The following PDS5A variants were observed in gnomAD, a reference collection of about 807,000 sequenced individuals.
PDS5A encodes sister chromatid cohesion protein PDS5 homolog A.
Under a neutral mutation model 167.1 loss-of-function variants are expected in PDS5A, and 42 were observed. The ratio of observed to expected loss-of-function variants is 0.25; its 90% CI spans 0.20 to 0.33. The LOEUF is 0.33. PDS5A is among the 10% of genes least tolerant of loss of function. PDS5A has a pLI of 1.00. For synonymous variants in PDS5A, 553 were observed against 554.6 expected, an observed-to-expected ratio of 1.00 and a Z score of 0.04; for missense variants, 1,033 against 1,605.9, an observed-to-expected ratio of 0.64 and a Z score of 6.10.
chr4:39,888,584 A>C (rs1721688685), intron 17 of PDS5A, among the ~76,000 whole-genome samples: 1 of 152,140 alleles, frequency 6.6e-6, no homozygotes, highest in Non-Finnish European at 1.5e-5. Context: ...GTATATATGT[A>C]CAATGAAAAA....
chr4:39,950,192 C>A (rs1728215345), intron 2 of PDS5A, among the ~76,000 whole-genome samples: 1 of 152,132 alleles, frequency 6.6e-6, no homozygotes, highest in Non-Finnish European at 1.5e-5. Context: ...TGAGCCACCG[C>A]ACCCAGCCAA....
chr4:39,968,748 T>A (rs892316604), intron 2 of PDS5A, among the ~76,000 whole-genome samples: 7 of 151,462 alleles, frequency 4.6e-5, no homozygotes, highest in African/African-American at 1.5e-4. Context: ...ATGAATTTTT[T>A]AAAAAATCAC....
At chr4:39,953,084 T>C (rs183804649) in intron 2 of PDS5A, among the ~76,000 whole-genome samples, 1 of 152,278 alleles carries the variant, frequency 6.6e-6, no homozygotes, top group Non-Finnish European at 1.5e-5. Context: ...TCATACCTAA[T>C]AACCTACTCA....
intron 6 of PDS5A, among the ~76,000 whole-genome samples, chr4:39,921,583 T>TAAA (rs375091298): frequency 6.1e-4 from 53 of 86,840 alleles, no homozygotes; most frequent in African/African-American, 2.2e-3. Flanking sequence ...AAAGAAAACT[T>TAAA]AAAAAAAAAA....
intron 2 of PDS5A, among the ~76,000 whole-genome samples, chr4:39,970,060 C>G (rs1341107219): frequency 6.6e-6 from 1 of 151,208 alleles, no homozygotes; most frequent in Non-Finnish European, 1.5e-5. Flanking sequence ...CTATGTTGGT[C>G]AGACTGGTCT....
intron 2 of PDS5A, among the ~76,000 whole-genome samples, chr4:39,962,232 AT>A (rs1019984176): frequency 4.0e-5 from 6 of 151,846 alleles, no homozygotes; most frequent in Non-Finnish European, 8.8e-5. Context: ...TAATTTTTGT[AT>A]TTTTAGTAGA....
At position 39,890,253 on chromosome 4, in the gene PDS5A, T is replaced by C. The variant is rs1032384560; in HGVS notation, c.1882A>G (p.Ile628Val). The stretch of plus-strand genomic sequence containing the variant: ...CGAATATACTTCTTGGCTTACCTTA[T>C]GGCTTCTGAATCAATGTGCACAGGT... ...IAPVHIDSEA[I>V]SALVKLMNKS... Residue 628 changes from isoleucine (I) to valine (V), a missense_variant, in exon 17 of 33, where the codon ATA (isoleucine) becomes GTA (valine). Ile to Val is a conservative substitution (Grantham distance 29). Coordinates refer to ENST00000303538, the MANE Select transcript of PDS5A (RefSeq NM_001100399.2). 4 of 1,497,602 alleles carry C rather than the reference T, an allele frequency of 2.7e-6. No homozygotes were observed. Among genetic ancestry groups the C allele is most frequent in the South Asian group, 1.2e-5 (1 of 82,426 alleles). The allele number at this position is 1,497,602 out of a possible 1,614,324, so 92.8% of individuals were successfully genotyped here.
intron 7 of PDS5A, among the ~76,000 whole-genome samples, chr4:39,917,510 CAT>C (rs1724501091): frequency 6.6e-6 from 1 of 151,990 alleles, no homozygotes; most frequent in Admixed American, 6.6e-5. Flanking sequence ...CTGTGTAGTT[CAT>C]TACAAAGGAT....
At chr4:39,960,786 T>A (rs1399042478) in intron 2 of PDS5A, among the ~76,000 whole-genome samples, 1 of 151,446 alleles carries the variant, frequency 6.6e-6, no homozygotes, top group Non-Finnish European at 1.5e-5. Context: ...ACCTCCCGGG[T>A]TCAAGCTATT....
At chr4:39,972,691 T>G (rs1367158993) in intron 2 of PDS5A, among the ~76,000 whole-genome samples, 1 of 151,544 alleles carries the variant, frequency 6.6e-6, no homozygotes, top group Non-Finnish European at 1.5e-5. Context: ...TTTTTTTCAC[T>G]GTTTAAGGAA....
intron 30 of PDS5A, among the ~76,000 whole-genome samples, chr4:39,842,910 TA>T (rs1298967212): frequency 1.1e-3 from 6 of 5,318 alleles, no homozygotes; most frequent in Non-Finnish European, 1.8e-3. Context: ...ATCCTATTTT[TA>T]TATATATATA....
At chr4:39,843,915 G>A (rs541186862) in intron 30 of PDS5A, among the ~76,000 whole-genome samples, 2 of 150,486 alleles carry the variant, frequency 1.3e-5, no homozygotes, top group Admixed American at 6.6e-5. Flanking sequence ...GAGGCTGAAG[G>A]GGGTGGATCA....
intron 3 of PDS5A, 128 bp downstream of exon 3, chr4:39,927,833 A>C: frequency 1.5e-6 from 1 of 671,646 alleles, no homozygotes; most frequent in Non-Finnish European, 2.5e-6. Context: ...TGCAACTTAC[A>C]ATATATTCTT....
chr4:39,954,422 G>A (rs1223182301), intron 2 of PDS5A, among the ~76,000 whole-genome samples: 1 of 151,838 alleles, frequency 6.6e-6, no homozygotes, highest in Non-Finnish European at 1.5e-5. Context: ...AGGTTCAAGC[G>A]AGTCTCCTGC....
chr4:39,825,514 G>A (rs1413867883), intron 32 of PDS5A, 26 bp from the exon 33 acceptor site: 1 of 1,547,202 alleles, frequency 6.5e-7, no homozygotes, highest in Non-Finnish European at 8.8e-7. Context: ...AGAACGCAAA[G>A]TTAGAAAAGA....
In PDS5A at chr4:39,976,478, C is replaced by T; in HGVS notation, c.100G>A (p.Asp34Asn). 1 of 1,613,334 alleles carries T rather than the reference C, an allele frequency of 6.2e-7. No individual in the cohort carries two copies. Among genetic ancestry groups the T allele is most frequent in the Non-Finnish European group, 8.5e-7 (1 of 1,179,408 alleles). The change falls in exon 2 of 33, where the codon GAC becomes AAC. Residue 34 changes from aspartate (D) to asparagine (N), a missense_variant. Transcript: ENST00000303538. Reference sequence around the variant, plus strand: ...ATCATCTCGTCCGTGGTGATCTTGTCGGTGATCTCTTTTACCCCCGGAGGG... The same window carrying T: ...ATCATCTCGTCCGTGGTGATCTTGTTGGTGATCTCTTTTACCCCCGGAGGG... ...AYPPGVKEIT[D>N]KITTDEMIKR...
chr4:39,919,343 G>A (rs759430452), intron 7 of PDS5A, among the ~76,000 whole-genome samples: 21 of 152,150 alleles, frequency 1.4e-4, no homozygotes, highest in African/African-American at 4.3e-4. Flanking sequence ...CAAATATGAC[G>A]ATAAAAATTT....
chr4:39,871,974 A>G (rs557860248), intron 21 of PDS5A, among the ~76,000 whole-genome samples: 37 of 152,006 alleles, frequency 2.4e-4, no homozygotes, highest in Non-Finnish European at 4.6e-4. Context: ...TCAAAGTGCT[A>G]GGATTACAGG....
Position 39,925,944 on chromosome 4 carries a change from TAAAA to T in PDS5A, c.430-15_430-12del. On this transcript the variant is annotated splice_polypyrimidine_tract_variant and intron_variant, in intron 4 of 32. Transcript: ENST00000303538. ...AACCCAAGCTAAATTCTTAAATAAA[TAAAA>T]ATAATTATTGAATTATACATATATA... is the stretch of plus-strand genomic sequence containing the variant. 2.0e-6 allele frequency: 2 copies of T among 987,050 alleles called. No individual in the cohort carries two copies. The highest frequency in any genetic ancestry group is 2.9e-6 in the Non-Finnish European group (2 of 690,620). 61.1% of individuals were successfully genotyped at this position (987,050 alleles called of 1,614,324 possible). A position where few individuals can be genotyped will look rare whatever the true frequency, so the allele number is the denominator to read the frequency against.
Sources: gnomAD v4.1 joint callset for allele counts (sites outside exome capture counted in the v4.1 genomes callset) on GRCh38, gnomAD v4.1.1 for gene constraint, MANE v1.5 for transcripts, NCBI Gene and HGNC (gene_info 2026-07-23, HGNC 2026-07-21) for gene names.